Variants in CCNY observed in about 807,000 individuals in gnomAD.
CCNY encodes the protein cyclin-Y.
Under a neutral mutation model 42.8 loss-of-function variants are expected in CCNY, and 19 were observed. The ratio of observed to expected loss-of-function variants is 0.44; its 90% CI spans 0.31 to 0.65. The LOEUF is 0.65. CCNY is among the 30% of genes least tolerant of loss of function. CCNY has a pLI of 0.07. For missense variants in CCNY, 370 were observed against 437.3 expected, an observed-to-expected ratio of 0.85 and a Z score of 1.37; for synonymous variants, 165 against 162.7, an observed-to-expected ratio of 1.01 and a Z score of -0.11.
chr10:35,248,060 T>A (rs1401048614), intron 1 of CCNY: 3 of 152,322 alleles, frequency 2.0e-5, no homozygotes, highest in African/African-American at 7.2e-5. Context: ...CATCACTTTA[T>A]GTGCAACACT....
At chr10:35,453,187 T>G (rs1329225239) in intron 1 of CCNY, among the ~76,000 whole-genome samples, 2 of 152,198 alleles carry the variant, frequency 1.3e-5, no homozygotes, top group Non-Finnish European at 2.9e-5. Context: ...TCTTCCCACC[T>G]TGGTCTCCCA....
intron 8 of CCNY, among the ~76,000 whole-genome samples, chr10:35,559,063 G>C (rs1405681999): frequency 1.3e-5 from 2 of 152,194 alleles, no homozygotes; most frequent in African/African-American, 4.8e-5. Flanking sequence ...GGCATTAAAG[G>C]TGATTCTGGT....
At chr10:35,396,190 C>T (rs1032546194) in intron 1 of CCNY, among the ~76,000 whole-genome samples, 1 of 152,174 alleles carries the variant, frequency 6.6e-6, no homozygotes, top group African/African-American at 2.4e-5. Context: ...GTTCTTTATA[C>T]TCATGGTGGT....
intron 7 of CCNY, among the ~76,000 whole-genome samples, chr10:35,536,664 G>A (rs1235349502): frequency 6.6e-6 from 1 of 152,166 alleles, no homozygotes; most frequent in African/African-American, 2.4e-5. Context: ...TTATGTTTTA[G>A]CAAAGAAACT....
intron 1 of CCNY, among the ~76,000 whole-genome samples, chr10:35,363,805 AATTT>A (rs1311980654): frequency 6.6e-6 from 1 of 152,088 alleles, no homozygotes; most frequent in Non-Finnish European, 1.5e-5. Flanking sequence ...CCAGCAATAT[AATTT>A]TGTGCCTGAA....
At chr10:35,553,754 G>A (rs1841307950) in intron 8 of CCNY, among the ~76,000 whole-genome samples, 1 of 152,158 alleles carries the variant, frequency 6.6e-6, no homozygotes, top group South Asian at 2.1e-4. Context: ...GCCCTTGGGG[G>A]TTGTGGGGAC....
rs56166117 is a variant in CCNY at position 35,247,875 on chromosome 10, CAA to C, written c.-216-219_-216-218del. Among the ~76,000 whole-genome samples, 45 of 58,186 alleles carry C rather than the reference CAA, an allele frequency of 7.7e-4. 1 individual carries two copies. The highest frequency in any genetic ancestry group is 5.2e-3 in the South Asian group (10 of 1,920). The allele number at this position is 58,186 out of a possible 152,430, so 38.2% of individuals were successfully genotyped here. A position where few individuals can be genotyped will look rare whatever the true frequency, so the allele number is the denominator to read the frequency against. ...TGGGTGACAGAGCAAGACTCCATCT[CAA>C]AAAAAAAAAAAAAAGAAAAGAAAAG... On this transcript the variant is annotated intron_variant, in intron 1 of 11. Coordinates refer to the CCNY transcript ENST00000374706.
At chr10:35,270,732 T>TC (rs985799616) in intron 3 of CCNY, among the ~76,000 whole-genome samples, 3 of 148,116 alleles carry the variant, frequency 2.0e-5, no homozygotes, top group East Asian at 2.0e-4. Flanking sequence ...TTTTTTCTTT[T>TC]TTTTTTTTTT....
At chr10:35,466,943 A>G (rs1384254128) in intron 1 of CCNY, among the ~76,000 whole-genome samples, 2 of 152,274 alleles carry the variant, frequency 1.3e-5, no homozygotes, top group Non-Finnish European at 2.9e-5. Context: ...CAGCTAATTG[A>G]ATTTTAAATC....
chr10:35,405,838 CA>C (rs1482775949), intron 1 of CCNY, among the ~76,000 whole-genome samples: 1 of 152,226 alleles, frequency 6.6e-6, no homozygotes, highest in Non-Finnish European at 1.5e-5. Context: ...GCCAGTTGGA[CA>C]GTCCAGTTTC....
chr10:35,535,660 A>G (rs1459059464), intron 7 of CCNY, among the ~76,000 whole-genome samples: 2 of 152,204 alleles, frequency 1.3e-5, no homozygotes, highest in Non-Finnish European at 1.5e-5. Flanking sequence ...TGATGGTTGC[A>G]TCTGTGCTGA....
intron 3 of CCNY, among the ~76,000 whole-genome samples, chr10:35,510,685 G>A (rs892563548): frequency 4.6e-5 from 7 of 152,176 alleles, no homozygotes; most frequent in African/African-American, 1.7e-4. Flanking sequence ...ATTCTTCACA[G>A]CACCACAATG....
rs543431951 is a variant in CCNY at position 35,309,946 on chromosome 10, G to A, written c.-9+59320G>A. On this transcript the variant is annotated intron_variant, in intron 3 of 11. Transcript: ENST00000374706. ...CTTCCGAGTAGCTGGGACTGCAGACGCCCGCCACCATGCCCAGCTAATTTT... is the reference window on the plus strand; with the variant it reads ...CTTCCGAGTAGCTGGGACTGCAGACACCCGCCACCATGCCCAGCTAATTTT... 7.9e-5 allele frequency among the ~76,000 whole-genome samples: 12 copies of A among 151,980 alleles called. No individual in the cohort carries two copies. In the South Asian group the frequency reaches 1.5e-3, roughly 18 times the overall value.
chr10:35,473,438 C>G (rs759419225), intron 1 of CCNY, among the ~76,000 whole-genome samples: 5 of 152,038 alleles, frequency 3.3e-5, no homozygotes, highest in Non-Finnish European at 7.3e-5. Flanking sequence ...TGAGGTATTT[C>G]AAGAGCTTGG....
intron 1 of CCNY, among the ~76,000 whole-genome samples, chr10:35,357,566 T>A (rs916144614): frequency 3.3e-5 from 5 of 152,260 alleles, no homozygotes; most frequent in Non-Finnish European, 7.3e-5. Context: ...TCAGATTATG[T>A]ATTTTTGGTA....
intron 2 of CCNY, among the ~76,000 whole-genome samples, chr10:35,249,090 T>A (rs1380030924): frequency 6.6e-6 from 1 of 152,004 alleles, no homozygotes; most frequent in East Asian, 1.9e-4. Flanking sequence ...ATGCCACCAC[T>A]CCTGGCTAAT....
At chr10:35,482,883 G>T (rs1839704791) in intron 1 of CCNY, among the ~76,000 whole-genome samples, 1 of 151,890 alleles carries the variant, frequency 6.6e-6, no homozygotes, top group South Asian at 2.1e-4. Context: ...CATGTCTGGG[G>T]CCCAGATTAG....
At chr10:35,278,410 C>A (rs1005247923) in intron 3 of CCNY, among the ~76,000 whole-genome samples, 2 of 151,652 alleles carry the variant, frequency 1.3e-5, no homozygotes, top group Non-Finnish European at 2.9e-5. Flanking sequence ...TCTGTCCATA[C>A]TCCGCCCAAC....
At chr10:35,463,148 A>G (rs944716044) in intron 1 of CCNY, among the ~76,000 whole-genome samples, 3 of 152,210 alleles carry the variant, frequency 2.0e-5, no homozygotes, top group Non-Finnish European at 2.9e-5. Context: ...GATGTGCTAG[A>G]TGTGGAACCA....
Sources: gnomAD v4.1 joint callset for allele counts (sites outside exome capture counted in the v4.1 genomes callset) on GRCh38, gnomAD v4.1.1 for gene constraint, MANE v1.5 for transcripts, NCBI Gene and HGNC (gene_info 2026-07-23, HGNC 2026-07-21) for gene names.